The following TFDP2 variants were observed in gnomAD, a reference collection of about 807,000 sequenced individuals.
TFDP2 encodes transcription factor Dp-2.
In TFDP2, 17 loss-of-function variants were observed where a neutral mutation model predicts 59.3. The observed-to-expected ratio is 0.29, with a 90% confidence interval of 0.20 to 0.43. The LOEUF (loss-of-function observed/expected upper bound fraction) is 0.43. TFDP2 is among the 20% of genes least tolerant of loss of function. The probability of loss-of-function intolerance (pLI) is 1.00; values close to 1 mark genes in which losing one functional copy is unlikely to be tolerated. For missense variants in TFDP2, 391 were observed against 528.8 expected (o/e 0.74, Z 2.56); for synonymous variants, 180 against 194.7 (o/e 0.92, Z 0.63).
chr3:142,117,465 T>A (rs1346865523), intron 1 of TFDP2, among the ~76,000 whole-genome samples: 1 of 150,628 alleles, frequency 6.6e-6, no homozygotes, highest in East Asian at 1.9e-4. Context: ...CCCACTTCCT[T>A]ACCTCTGCAA....
chr3:141,967,340 T>C (rs1391079139), intron 9 of TFDP2, among the ~76,000 whole-genome samples: 3 of 151,466 alleles, frequency 2.0e-5, no homozygotes, highest in African/African-American at 7.3e-5. Context: ...TTGCCCAGGC[T>C]AGGGTGCAGT....
At chr3:141,960,762 T>C (rs1260044930) in intron 10 of TFDP2, among the ~76,000 whole-genome samples, 1 of 152,040 alleles carries the variant, frequency 6.6e-6, no homozygotes, top group Non-Finnish European at 1.5e-5. Context: ...AAAAAAAATC[T>C]GAAGTGGGTG....
chr3:142,126,010 C>A (rs963517900), intron 1 of TFDP2: 1 of 152,026 alleles, frequency 6.6e-6, no homozygotes, highest in African/African-American at 2.4e-5. Context: ...AGAACCCTTT[C>A]TTAGGGGGCT....
intron 2 of TFDP2, among the ~76,000 whole-genome samples, chr3:142,094,700 G>T (rs1209350634): frequency 2.6e-5 from 4 of 152,096 alleles, no homozygotes; most frequent in Non-Finnish European, 4.4e-5. Context: ...TACACTTAAG[G>T]TGTACATCTT....
intron 6 of TFDP2, among the ~76,000 whole-genome samples, chr3:141,987,936 C>CT: frequency 1.0e-5 from 1 of 99,636 alleles, no homozygotes. Context: ...AAGACCCTGC[C>CT]TCAAAAAAAA....
rs2062829423 is a variant in TFDP2 at position 142,138,852 on chromosome 3, CG to C, written c.-93+10330del. On this transcript the variant is annotated intron_variant, in intron 1 of 12. Transcript: ENST00000489671. ...GAGAAGAATGTATATTCTGTTGATT[CG>C]GGGTGGAGAGTTCTGTAGATGTCTA... 2.0e-5 allele frequency among the ~76,000 whole-genome samples: 3 copies of C among 151,998 alleles called. No individual in the cohort carries two copies. In the South Asian group the frequency reaches 6.2e-4, roughly 32 times the overall value.
intron 10 of TFDP2, among the ~76,000 whole-genome samples, chr3:141,962,801 C>A (rs1937522823): frequency 6.6e-6 from 1 of 152,150 alleles, no homozygotes; most frequent in Non-Finnish European, 1.5e-5. Context: ...ATGTCAGGGC[C>A]CTAGGAGACA....
Position 141,951,303 on chromosome 3 carries a change from T to C in TFDP2, c.*1210A>G, listed in dbSNP as rs966481589. 2 of 152,236 alleles carry C rather than the reference T, an allele frequency of 1.3e-5. No individual in the cohort carries two copies. The highest frequency in any genetic ancestry group is 4.8e-5 in the African/African-American group (2 of 41,464). The allele number at this position is 152,236 out of a possible 1,614,324, so 9.4% of individuals were successfully genotyped here. A position where few individuals can be genotyped will look rare whatever the true frequency, so the allele number is the denominator to read the frequency against. ...CAGCTGTGAATACACCACTGCAGTA[T>C]TTCTAATGACATCTTGAGCCATAAA... On this transcript the variant is annotated 3_prime_UTR_variant, in exon 13 of 13. Coordinates refer to ENST00000489671, the MANE Select transcript of TFDP2 (RefSeq NM_001178139.2).
chr3:142,028,629 T>C, intron 3 of TFDP2: 1 of 985,388 alleles, frequency 1.0e-6, no homozygotes, highest in Non-Finnish European at 1.2e-6. Flanking sequence ...CATTCTACAG[T>C]CTTTGTTACC....
intron 7 of TFDP2, among the ~76,000 whole-genome samples, chr3:141,976,458 GGTATTA>G (rs1254332638): frequency 6.6e-6 from 1 of 152,214 alleles, no homozygotes. Flanking sequence ...GTGGTGATAG[GGTATTA>G]GTAAAAATGT....
At chr3:142,067,090 G>A (rs2060097191) in intron 3 of TFDP2, among the ~76,000 whole-genome samples, 1 of 152,078 alleles carries the variant, frequency 6.6e-6, no homozygotes, top group African/African-American at 2.4e-5. Context: ...CTCCTAATAT[G>A]GGGAACAAGG....
chr3:141,975,242 A>C (rs1207282168), intron 7 of TFDP2, among the ~76,000 whole-genome samples: 1 of 130,360 alleles, frequency 7.7e-6, no homozygotes, highest in African/African-American at 2.5e-5. Context: ...AGTAAGACTT[A>C]ATCAAGGAAA....
intron 11 of TFDP2, among the ~76,000 whole-genome samples, chr3:141,958,854 C>T (rs1937011733): frequency 6.6e-6 from 1 of 152,174 alleles, no homozygotes; most frequent in South Asian, 2.1e-4. Context: ...CAGTCCACTC[C>T]TCCTCTCTGA....
intron 2 of TFDP2, among the ~76,000 whole-genome samples, chr3:142,097,019 C>A (rs1168468861): frequency 6.6e-6 from 1 of 152,174 alleles, no homozygotes; most frequent in African/African-American, 2.4e-5. Context: ...TGACACAGAC[C>A]ATATGCAAAA....
At chr3:141,988,669 CTTTTT>C (rs540352017) in intron 6 of TFDP2, among the ~76,000 whole-genome samples, 2 of 125,702 alleles carry the variant, frequency 1.6e-5, no homozygotes, top group Non-Finnish European at 3.3e-5. Flanking sequence ...CTTTTCTTTT[CTTTTT>C]TTTTTTTTTT....
At chr3:142,075,750 A>G (rs2060425504) in intron 3 of TFDP2, among the ~76,000 whole-genome samples, 1 of 150,654 alleles carries the variant, frequency 6.6e-6, no homozygotes. Flanking sequence ...AAAAAAAAAA[A>G]AAAAAAAAAT....
At chr3:142,073,154 C>A (rs2060304984) in intron 3 of TFDP2, among the ~76,000 whole-genome samples, 1 of 152,186 alleles carries the variant, frequency 6.6e-6, no homozygotes, top group Non-Finnish European at 1.5e-5. Context: ...CCTGTGGCCT[C>A]AAACTCCTGG....
intron 3 of TFDP2, among the ~76,000 whole-genome samples, chr3:142,037,719 G>C (rs921894318): frequency 6.6e-6 from 1 of 152,146 alleles, no homozygotes; most frequent in Admixed American, 6.5e-5. Context: ...TGGGACTACA[G>C]TAAAAAACAT....
intron 3 of TFDP2, among the ~76,000 whole-genome samples, chr3:142,050,269 A>T (rs528163291): frequency 4.8e-4 from 73 of 151,068 alleles, no homozygotes; most frequent in African/African-American, 1.7e-3. Context: ...ATCTCAAAAA[A>T]AAAAAAATAA....
Sources: gnomAD v4.1 joint callset for allele counts (sites outside exome capture counted in the v4.1 genomes callset) on GRCh38, gnomAD v4.1.1 for gene constraint, MANE v1.5 for transcripts, NCBI Gene and HGNC (gene_info 2026-07-23, HGNC 2026-07-21) for gene names.